Variants in SLCO3A1 observed in about 807,000 individuals in gnomAD.
SLCO3A1 encodes the protein PGE1 transporter.
A neutral mutation model predicts 63.1 loss-of-function variants in SLCO3A1; 27 were observed. The ratio of observed to expected loss-of-function variants is 0.43; its 90% CI spans 0.32 to 0.59. The LOEUF (loss-of-function observed/expected upper bound fraction) is 0.59, where lower values mean the gene tolerates loss of function less well. Ranked by LOEUF, SLCO3A1 falls within the 20% of genes least tolerant of loss-of-function variation. SLCO3A1 has a pLI of 0.09. For synonymous variants in SLCO3A1, 473 were observed against 409.9 expected (o/e 1.15, Z -1.86); for missense variants, 773 against 945.8 (o/e 0.82, Z 2.40).
intron 2 of SLCO3A1, among the ~76,000 whole-genome samples, chr15:91,938,285 G>T (rs947881757): frequency 6.6e-6 from 1 of 152,048 alleles, no homozygotes; most frequent in Non-Finnish European, 1.5e-5. Context: ...CCAGTATAGA[G>T]AAGGTACTTA....
Position 92,164,256 on chromosome 15 carries a change from C to T in SLCO3A1, c.*1121C>T, listed in dbSNP as rs1427981491. The T allele has an allele frequency of 1.0e-6, 1 of 983,798 alleles. No homozygotes were observed. Among genetic ancestry groups the T allele is most frequent in the Non-Finnish European group, 1.2e-6 (1 of 828,746 alleles). 60.9% of individuals were successfully genotyped at this position (983,798 alleles called of 1,614,324 possible). On this transcript the variant is annotated 3_prime_UTR_variant, in exon 10 of 10. Transcript: ENST00000318445. ...GCAATTAACCTATTGTAATTTTCAT[C>T]ATTTTATCCTCATTCGAATATTCTA...
At chr15:92,167,405 G>A (rs554506773), downstream of SLCO3A1, among the ~76,000 whole-genome samples, 2 of 152,320 alleles carry the variant, frequency 1.3e-5, no homozygotes, top group East Asian at 1.9e-4. Flanking sequence ...CCAAGAGAGG[G>A]TGCTAGTGAA....
chr15:92,093,709 C>G (rs1395897683), intron 2 of SLCO3A1, among the ~76,000 whole-genome samples: 15 of 152,108 alleles, frequency 9.9e-5, no homozygotes, highest in Admixed American at 9.8e-4. Context: ...GAGAATAGTA[C>G]TTGGCACATA....
Position 91,853,937 on chromosome 15 carries a change from C to T in SLCO3A1, c.29C>T (p.Ser10Leu). 2.1e-6 allele frequency: 3 copies of T among 1,458,850 alleles called. No individual in the cohort carries two copies. The highest frequency in any genetic ancestry group is 1.8e-6 in the Non-Finnish European group (2 of 1,098,112). The allele number at this position is 1,458,850 out of a possible 1,614,324, so 90.4% of individuals were successfully genotyped here. ...CAGGGGAAGAAGCCGGGCGGTTCGTCGGGCGGCGGCCGGAGCGGCGAGCTG... is the reference window on the plus strand; with the variant it reads ...CAGGGGAAGAAGCCGGGCGGTTCGTTGGGCGGCGGCCGGAGCGGCGAGCTG... Reference protein sequence around the residue: MQGKKPGGSSGGGRSGELQG... With the variant: MQGKKPGGSLGGGRSGELQG... Residue 10 changes from serine to leucine, a missense_variant, in exon 1 of 10, where the codon TCG becomes TTG. Transcript: ENST00000318445.
At chr15:92,015,072 C>T (rs1000168219) in intron 2 of SLCO3A1, among the ~76,000 whole-genome samples, 4 of 152,250 alleles carry the variant, frequency 2.6e-5, no homozygotes, top group African/African-American at 7.2e-5. Flanking sequence ...GAAGCAGGGG[C>T]ACCACCATTT....
At chr15:91,973,837 C>T (rs1251365993) in intron 2 of SLCO3A1, among the ~76,000 whole-genome samples, 1 of 152,172 alleles carries the variant, frequency 6.6e-6, no homozygotes, top group African/African-American at 2.4e-5. Flanking sequence ...AAAGCAGGCT[C>T]TCGAAGTGGT....
At chr15:92,101,957 A>AT (rs1389734703) in intron 3 of SLCO3A1, among the ~76,000 whole-genome samples, 1 of 152,092 alleles carries the variant, frequency 6.6e-6, no homozygotes, top group Admixed American at 6.5e-5. Flanking sequence ...CACCTCCCCC[A>AT]TCGCCATCCC....
At chr15:92,067,811 C>T (rs2047169234) in intron 2 of SLCO3A1, among the ~76,000 whole-genome samples, 1 of 147,902 alleles carries the variant, frequency 6.8e-6, no homozygotes, top group South Asian at 2.1e-4. Flanking sequence ...ATATAAACAA[C>T]AGAAATGTAT....
At chr15:91,868,766 G>T (rs989844219) in intron 1 of SLCO3A1, among the ~76,000 whole-genome samples, 1 of 152,096 alleles carries the variant, frequency 6.6e-6, no homozygotes, top group Non-Finnish European at 1.5e-5. Flanking sequence ...TACTCAGCCC[G>T]TGCCTCTCTG....
chr15:92,053,762 G>C (rs2046989363), intron 2 of SLCO3A1, among the ~76,000 whole-genome samples: 1 of 151,108 alleles, frequency 6.6e-6, no homozygotes, highest in African/African-American at 2.4e-5. Context: ...AGGACACAGA[G>C]GTAAATTGTC....
intron 3 of SLCO3A1, among the ~76,000 whole-genome samples, chr15:92,096,033 T>C (rs190653594): frequency 6.6e-6 from 1 of 152,292 alleles, no homozygotes; most frequent in African/African-American, 2.4e-5. Flanking sequence ...TCATACTGTT[T>C]TTCGTATTTT....
At chr15:92,092,631 T>A (rs958802506) in intron 2 of SLCO3A1, among the ~76,000 whole-genome samples, 1 of 152,104 alleles carries the variant, frequency 6.6e-6, no homozygotes, top group African/African-American at 2.4e-5. Context: ...CGCTTCTGAC[T>A]CGGACAACTG....
intron 2 of SLCO3A1, among the ~76,000 whole-genome samples, chr15:92,054,343 A>T (rs1388574800): frequency 2.0e-5 from 3 of 152,152 alleles, no homozygotes; most frequent in Admixed American, 6.5e-5. Context: ...GCACACTTCT[A>T]TGTTTGTTTG....
chr15:92,079,045 G>T (rs533867447), intron 2 of SLCO3A1, among the ~76,000 whole-genome samples: 1 of 152,344 alleles, frequency 6.6e-6, no homozygotes, highest in Admixed American at 6.5e-5. Flanking sequence ...GGCACGGTGA[G>T]GGGGTCCAGC....
intron 2 of SLCO3A1, among the ~76,000 whole-genome samples, chr15:92,065,982 A>G (rs937923868): frequency 6.6e-6 from 1 of 152,224 alleles, no homozygotes; most frequent in African/African-American, 2.4e-5. Context: ...CTTTCCTTAG[A>G]TGGAAAGTAG....
intron 2 of SLCO3A1, among the ~76,000 whole-genome samples, chr15:91,956,918 G>T (rs1298161722): frequency 9.5e-6 from 1 of 104,992 alleles, no homozygotes; most frequent in Non-Finnish European, 1.9e-5. Context: ...GCCTCCCAAG[G>T]TTGGGACTAC....
intron 2 of SLCO3A1, among the ~76,000 whole-genome samples, chr15:91,945,698 G>A (rs915738984): frequency 5.9e-5 from 9 of 152,222 alleles, no homozygotes; most frequent in African/African-American, 2.2e-4. Flanking sequence ...GTGCTTTTCT[G>A]AGTGTAATGG....
chr15:92,147,438 C>G (rs1430340303), intron 8 of SLCO3A1, among the ~76,000 whole-genome samples: 1 of 152,098 alleles, frequency 6.6e-6, no homozygotes, highest in African/African-American at 2.4e-5. Flanking sequence ...TGCATTGAGC[C>G]TTACAGGACG....
At chr15:91,992,948 T>A (rs1176341286) in intron 2 of SLCO3A1, among the ~76,000 whole-genome samples, 2 of 152,194 alleles carry the variant, frequency 1.3e-5, no homozygotes, top group East Asian at 3.8e-4. Context: ...CCAAGTATGA[T>A]GATTTTGAGA....
Sources: allele counts gnomAD v4.1 joint callset (sites outside exome capture counted in the v4.1 genomes callset), GRCh38; gene constraint gnomAD v4.1.1; transcripts MANE v1.5; gene names NCBI Gene and HGNC (gene_info 2026-07-23, HGNC 2026-07-21).